The following SESN1 variants were observed in gnomAD, a reference collection of about 807,000 sequenced individuals.
SESN1 encodes the protein sestrin-1.
SESN1 carries 30 observed loss-of-function variants against 59.3 expected under a neutral mutation model. That is an observed-to-expected ratio of 0.51 (90% CI 0.38 to 0.69). The LOEUF (loss-of-function observed/expected upper bound fraction) is 0.69. Ranked by LOEUF, SESN1 falls within the 30% of genes least tolerant of loss-of-function variation. The pLI, the probability that SESN1 is intolerant of heterozygous loss-of-function variation, is 0.00. For synonymous variants in SESN1, 197 were observed against 219.9 expected (o/e 0.90, Z 0.92); for missense variants, 566 against 673.0 (o/e 0.84, Z 1.76).
intron 2 of SESN1, among the ~76,000 whole-genome samples, chr6:109,001,855 TTAAC>T (rs772139346): frequency 1.3e-5 from 2 of 152,150 alleles, no homozygotes; most frequent in African/African-American, 4.8e-5. Context: ...AGAACTAAAA[TTAAC>T]TAATAGCATA....
chr6:109,015,581 A>G lies in SESN1; in HGVS notation c.280-13238T>C, dbSNP rs530469050. 1.1e-4 allele frequency among the ~76,000 whole-genome samples: 17 copies of G among 152,282 alleles called. No individual in the cohort carries two copies. The South Asian group carries it at 3.5e-3, about 32-fold the overall frequency. On this transcript the variant is annotated intron_variant, in intron 1 of 9. Transcript: ENST00000436639. ...GGAGAATTCATTCAGACATATTACA[A>G]TGTTTAGAGGCTACTTTTCAGCATC...
intron 1 of SESN1, among the ~76,000 whole-genome samples, chr6:109,084,808 G>T (rs1198516000): frequency 6.6e-6 from 1 of 151,980 alleles, no homozygotes; most frequent in Non-Finnish European, 1.5e-5. Context: ...AACATGAGAA[G>T]ACAGATAATT....
intron 1 of SESN1, among the ~76,000 whole-genome samples, chr6:109,056,230 G>A (rs2114449257): frequency 1.3e-5 from 2 of 152,246 alleles, no homozygotes; most frequent in South Asian, 4.1e-4. Context: ...AACATAGGGA[G>A]ACCTCATCTT....
chr6:109,023,133 A>G (rs1432226910), intron 1 of SESN1, among the ~76,000 whole-genome samples: 1 of 152,208 alleles, frequency 6.6e-6, no homozygotes, highest in Non-Finnish European at 1.5e-5. Context: ...AAAATGTTCT[A>G]TAACATCTCT....
chr6:109,065,977 A>C (rs1206265839), intron 1 of SESN1, among the ~76,000 whole-genome samples: 1 of 152,128 alleles, frequency 6.6e-6, no homozygotes, highest in East Asian at 1.9e-4. Flanking sequence ...ATCATCCCTT[A>C]AATCTTAAAA....
intron 1 of SESN1, among the ~76,000 whole-genome samples, chr6:109,069,751 T>C (rs1010657316): frequency 6.6e-6 from 1 of 150,718 alleles, no homozygotes; most frequent in Non-Finnish European, 1.5e-5. Context: ...GGAGGGGGGG[T>C]CTCACTATGT....
intron 1 of SESN1, among the ~76,000 whole-genome samples, chr6:109,026,462 C>A (rs757421258): frequency 6.6e-6 from 1 of 152,124 alleles, no homozygotes; most frequent in Non-Finnish European, 1.5e-5. Context: ...TTTCCCTTGG[C>A]TTGGAGTGGA....
intron 1 of SESN1, among the ~76,000 whole-genome samples, chr6:109,010,495 G>A (rs1015588314): frequency 2.0e-5 from 3 of 152,292 alleles, no homozygotes; most frequent in African/African-American, 7.2e-5. Flanking sequence ...ATTTATAGCA[G>A]TAGTTATGGC....
chr6:109,008,913 A>T, intron 1 of SESN1: 1 of 987,554 alleles, frequency 1.0e-6, no homozygotes, highest in Non-Finnish European at 1.2e-6. Context: ...GTAGGAGGCA[A>T]AGGGGATGAA....
chr6:109,014,703 A>C (rs1249637646), intron 1 of SESN1, among the ~76,000 whole-genome samples: 1 of 152,080 alleles, frequency 6.6e-6, no homozygotes, highest in African/African-American at 2.4e-5. Context: ...TCTCTCCTCC[A>C]TATTTCTGTC....
At position 108,988,783 on chromosome 6, in the gene SESN1, TTC is replaced by T. The variant is rs113828197; in HGVS notation, c.1425-98_1425-97del. ...ACATCAATAGTTAATACTGTATTTT[TTC>T]TCTCTTTGTGTAGGCAGCTGTCCCC... On this transcript the variant is annotated intron_variant, in intron 8 of 9. Transcript: ENST00000436639. 97 of 1,017,156 alleles carry T rather than the reference TTC, an allele frequency of 9.5e-5. No homozygotes were observed. In the African/African-American group the frequency reaches 1.4e-3, roughly 15 times the overall value. 63.0% of individuals were successfully genotyped at this position (1,017,156 alleles called of 1,614,324 possible).
chr6:109,065,448 T>A (rs1237356899), intron 1 of SESN1, among the ~76,000 whole-genome samples: 1 of 152,158 alleles, frequency 6.6e-6, no homozygotes, highest in African/African-American at 2.4e-5. Flanking sequence ...AAATATAAAT[T>A]CACTTGGTTT....
chr6:109,042,176 A>G (rs994814559), intron 1 of SESN1, among the ~76,000 whole-genome samples: 16 of 152,078 alleles, frequency 1.1e-4, no homozygotes, highest in African/African-American at 3.6e-4. Flanking sequence ...AAAATACAAC[A>G]TATCAAAATT....
rs78096267 is a variant in SESN1 at position 108,997,655 on chromosome 6, C to T, written c.972+858G>A. Among the ~76,000 whole-genome samples, 187 of 152,278 alleles carry T rather than the reference C, an allele frequency of 1.2e-3. 1 individual carries two copies. Among genetic ancestry groups the T allele is most frequent in the African/African-American group, 4.0e-3 (168 of 41,552 alleles). ...ATTTAGATACAAAAGAACTGAGATT[C>T]AGTAACTTGCCCGAAGTCAAATATA... On this transcript the variant is annotated intron_variant, in intron 5 of 9. Transcript: ENST00000436639.
chr6:109,064,898 C>A (rs1780796980), intron 1 of SESN1, among the ~76,000 whole-genome samples: 1 of 151,994 alleles, frequency 6.6e-6, no homozygotes, highest in African/African-American at 2.4e-5. Flanking sequence ...AATAACCAGT[C>A]CTCTGTTTTA....
chr6:109,007,622 C>T (rs563273476), intron 1 of SESN1, among the ~76,000 whole-genome samples: 45 of 148,508 alleles, frequency 3.0e-4, no homozygotes, highest in African/African-American at 6.1e-4. Flanking sequence ...TGGGAGATTG[C>T]CTATAGCTGG....
chr6:108,998,283 A>T (rs1779540656), intron 5 of SESN1, among the ~76,000 whole-genome samples: 1 of 152,280 alleles, frequency 6.6e-6, no homozygotes, highest in Non-Finnish European at 1.5e-5. Context: ...GTAAACTCCT[A>T]CAGGGTCTTA....
Position 108,990,154 on chromosome 6 carries a change from C to T in SESN1, c.1424+491G>A, listed in dbSNP as rs534523970. ...TACAATGACTGCATTTTCAATGTAACATAGTAACATGGCTGAAAACCTAAC... is the reference window on the plus strand; with the variant it reads ...TACAATGACTGCATTTTCAATGTAATATAGTAACATGGCTGAAAACCTAAC... On this transcript the variant is annotated intron_variant, in intron 8 of 9. Coordinates refer to ENST00000436639, the MANE Select transcript of SESN1 (RefSeq NM_014454.3). Among the ~76,000 whole-genome samples the T allele has an allele frequency of 2.6e-5, 4 of 152,284 alleles. No homozygotes were observed. In the South Asian group the frequency reaches 8.3e-4, roughly 32 times the overall value.
At chr6:109,054,121 A>T (rs952848145) in intron 1 of SESN1, among the ~76,000 whole-genome samples, 7 of 152,068 alleles carry the variant, frequency 4.6e-5, no homozygotes, top group Admixed American at 2.6e-4. Context: ...CCCTGAACAT[A>T]CATCTAAGTA....
Sources: gnomAD v4.1 joint callset for allele counts (sites outside exome capture counted in the v4.1 genomes callset) on GRCh38, gnomAD v4.1.1 for gene constraint, MANE v1.5 for transcripts, NCBI Gene and HGNC (gene_info 2026-07-23, HGNC 2026-07-21) for gene names.